The following AADAT variants were observed in gnomAD, a reference collection of about 807,000 sequenced individuals.
AADAT encodes the protein aminoadipate aminotransferase, also known as kynurenine/alpha-aminoadipate aminotransferase, mitochondrial.
AADAT carries 25 observed loss-of-function variants against 56.2 expected under a neutral mutation model. The ratio of observed to expected loss-of-function variants is 0.44; its 90% CI spans 0.32 to 0.62. The LOEUF is 0.62. AADAT is among the 20% of genes least tolerant of loss of function. AADAT has a pLI of 0.04. For missense variants in AADAT, 387 were observed against 510.5 expected (o/e 0.76, Z 2.33); for synonymous variants, 173 against 164.7 (o/e 1.05, Z -0.39).
At chr4:170,066,877 G>A (rs571944611) in intron 9 of AADAT, among the ~76,000 whole-genome samples, 2 of 152,136 alleles carry the variant, frequency 1.3e-5, no homozygotes, top group African/African-American at 2.4e-5. Context: ...AAATGTCCTA[G>A]GAGGTACCAT....
chr4:170,080,327 C>A (rs766664636), intron 3 of AADAT, among the ~76,000 whole-genome samples: 3 of 152,098 alleles, frequency 2.0e-5, no homozygotes, highest in Admixed American at 2.0e-4. Context: ...GCACCAAGCA[C>A]GTGGAAAAAC....
chr4:170,083,396 A>G (rs1581593995), intron 3 of AADAT, among the ~76,000 whole-genome samples: 1 of 152,160 alleles, frequency 6.6e-6, no homozygotes, highest in African/African-American at 2.4e-5. Flanking sequence ...CTAAGAGGAA[A>G]GTTTATAGCA....
At chr4:170,079,877 A>G (rs941602763) in intron 3 of AADAT, among the ~76,000 whole-genome samples, 1 of 152,236 alleles carries the variant, frequency 6.6e-6, no homozygotes, top group African/African-American at 2.4e-5. Flanking sequence ...AGTTACTGGC[A>G]TATGGTTGAT....
At chr4:170,061,856 T>C (rs1215011687) in intron 12 of AADAT, 36 bp downstream of exon 12, 3 of 1,479,608 alleles carry the variant, frequency 2.0e-6, no homozygotes, top group Admixed American at 1.9e-5. Flanking sequence ...ACAGAACTGC[T>C]AGCTAGTGTT....
At chr4:170,072,310 T>C (rs760253128) in intron 5 of AADAT, among the ~76,000 whole-genome samples, 19 of 151,784 alleles carry the variant, frequency 1.3e-4, no homozygotes, top group Non-Finnish European at 1.5e-4. Flanking sequence ...TATATATATA[T>C]ATATATTTAG....
Position 170,087,252 on chromosome 4 carries a change from A to C in AADAT, c.237-4T>G. 1 of 1,609,940 alleles carries C rather than the reference A, an allele frequency of 6.2e-7. No individual in the cohort carries two copies. Among genetic ancestry groups the C allele is most frequent in the South Asian group, 1.1e-5 (1 of 89,822 alleles). On this transcript the variant is annotated splice_polypyrimidine_tract_variant and splice_region_variant and intron_variant, in intron 2 of 12. Transcript: ENST00000337664. ...CCAGGACAAAAGCTCTGGAATTCTA[A>C]AGCAAAAAATGTATATTTAAATTCA...
upstream of AADAT, among the ~76,000 whole-genome samples, chr4:170,091,065 G>GCTGGCAGCC (rs1332957339): frequency 6.6e-6 from 1 of 152,248 alleles, no homozygotes; most frequent in Non-Finnish European, 1.5e-5. Context: ...GTGACAGCCT[G>GCTGGCAGCC]CTGGCAGCCC....
chr4:170,070,991 C>CA (rs775978716), intron 5 of AADAT, among the ~76,000 whole-genome samples: 2 of 152,214 alleles, frequency 1.3e-5, no homozygotes, highest in Non-Finnish European at 2.9e-5. Flanking sequence ...TGGCTCACTG[C>CA]AACCTCTGCC....
intron 9 of AADAT, 66 bp downstream of exon 9, chr4:170,067,261 G>A: frequency 8.6e-7 from 1 of 1,164,206 alleles, no homozygotes. Flanking sequence ...AATACTGTAG[G>A]TGATCTGTAC....
At chr4:170,073,110 T>A (rs370908182) in intron 5 of AADAT, 26 bp downstream of exon 5, 3 of 1,605,714 alleles carry the variant, frequency 1.9e-6, no homozygotes, top group Non-Finnish European at 2.6e-6. Context: ...GGAACACAAC[T>A]ACTTTAACCC....
chr4:170,092,738 A>G (rs147854502), upstream of AADAT, among the ~76,000 whole-genome samples: 1 of 152,262 alleles, frequency 6.6e-6, no homozygotes, highest in African/African-American at 2.4e-5. Flanking sequence ...GCATGTTGAC[A>G]GGAATAAATG....
At chr4:170,063,229 GA>G (rs1275628398) in intron 11 of AADAT, among the ~76,000 whole-genome samples, 3 of 152,244 alleles carry the variant, frequency 2.0e-5, no homozygotes, top group African/African-American at 7.2e-5. Context: ...AGCTGAAAGA[GA>G]AGGGAGTGGT....
chr4:170,093,354 C>T (rs904428521), upstream of AADAT, among the ~76,000 whole-genome samples: 10 of 151,916 alleles, frequency 6.6e-5, no homozygotes, highest in Non-Finnish European at 8.8e-5. Context: ...TTTTCGAACC[C>T]GGGAGGCGGA....
intron 5 of AADAT, among the ~76,000 whole-genome samples, chr4:170,071,517 G>A (rs1023910362): frequency 1.3e-5 from 2 of 152,196 alleles, no homozygotes; most frequent in African/African-American, 2.4e-5. Flanking sequence ...CAGACCGACC[G>A]TGTTACCTAG....
upstream of AADAT, among the ~76,000 whole-genome samples, chr4:170,092,161 C>CA (rs1383415280): frequency 6.6e-6 from 1 of 152,232 alleles, no homozygotes; most frequent in African/African-American, 2.4e-5. Context: ...CCTCAGCCAC[C>CA]AGCGGTAACC....
chr4:170,092,045 T>C (rs1475050268), upstream of AADAT, among the ~76,000 whole-genome samples: 1 of 152,200 alleles, frequency 6.6e-6, no homozygotes, highest in Non-Finnish European at 1.5e-5. Flanking sequence ...CAGCACCCTG[T>C]CAAAATGGAC....
At chr4:170,073,413 T>C in intron 4 of AADAT, 68 bp from the exon 5 acceptor site, 1 of 1,416,480 alleles carries the variant, frequency 7.1e-7, no homozygotes, top group Non-Finnish European at 9.5e-7. Flanking sequence ...GTTTTTTTTT[T>C]TTCTTTCTAA....
At position 170,089,680 on chromosome 4, in the gene AADAT, G is replaced by C. The variant is rs1425816123; in HGVS notation, c.11C>G (p.Ala4Gly). 6 of 1,614,174 alleles carry C rather than the reference G, an allele frequency of 3.7e-6. No homozygotes were observed. Among genetic ancestry groups the C allele is most frequent in the Non-Finnish European group, 5.1e-6 (6 of 1,180,022 alleles). Reference sequence around the variant, plus strand: ...TGCGCTCGCTGCCGTGATGAACCGTGCGTAATTCATGTCTTCTGACAGCCA... The same window carrying C: ...TGCGCTCGCTGCCGTGATGAACCGTCCGTAATTCATGTCTTCTGACAGCCA... MNY[A>G]RFITAASAAR... Residue 4 changes from alanine (A) to glycine (G), a missense_variant, in exon 1 of 13, where the codon GCA (alanine) becomes GGA (glycine). Physicochemically the swap from Ala to Gly is moderately conservative, Grantham distance 60. Coordinates refer to ENST00000337664, the MANE Select transcript of AADAT (RefSeq NM_016228.4).
At chr4:170,086,579 T>C (rs1358762415) in intron 3 of AADAT, among the ~76,000 whole-genome samples, 1 of 152,160 alleles carries the variant, frequency 6.6e-6, no homozygotes, top group Admixed American at 6.5e-5. Flanking sequence ...CTCTAAAAAA[T>C]TTAAAAATTG....
Sources: gnomAD v4.1 joint callset for allele counts (sites outside exome capture counted in the v4.1 genomes callset) on GRCh38, gnomAD v4.1.1 for gene constraint, MANE v1.5 for transcripts, NCBI Gene and HGNC (gene_info 2026-07-23, HGNC 2026-07-21) for gene names.